The following CDH10 variants were observed in gnomAD, a reference collection of about 807,000 sequenced individuals.
CDH10 encodes cadherin-10.
In CDH10, 30 loss-of-function variants were observed where a neutral mutation model predicts 73.1. That is an observed-to-expected ratio of 0.41 (90% CI 0.31 to 0.56). The LOEUF (loss-of-function observed/expected upper bound fraction) is 0.56. Among genes scored for constraint, CDH10 ranks in the 20% least tolerant of loss-of-function variants. The pLI, the probability that CDH10 is intolerant of heterozygous loss-of-function variation, is 0.27. For synonymous variants in CDH10, 345 were observed against 348.2 expected (o/e 0.99, Z 0.10); for missense variants, 815 against 973.7 (o/e 0.84, Z 2.17).
At chr5:24,518,389 A>G (rs2111800576) in intron 5 of CDH10, among the ~76,000 whole-genome samples, 1 of 152,228 alleles carries the variant, frequency 6.6e-6, no homozygotes, top group Non-Finnish European at 1.5e-5. Context: ...ACACACACAC[A>G]TATATATGCA....
At chr5:24,489,173 T>C (rs778645490) in intron 11 of CDH10, among the ~76,000 whole-genome samples, 8 of 152,066 alleles carry the variant, frequency 5.3e-5, no homozygotes, top group Non-Finnish European at 1.0e-4. Context: ...GAAATATTGA[T>C]ACAAGTATTT....
chr5:24,490,107 C>T (rs762641534), intron 11 of CDH10, among the ~76,000 whole-genome samples: 20 of 152,080 alleles, frequency 1.3e-4, no homozygotes, highest in Non-Finnish European at 2.5e-4. Context: ...TAAACACGTA[C>T]TAAAAACTTA....
At chr5:24,623,242 G>A (rs1045496322) in intron 1 of CDH10, among the ~76,000 whole-genome samples, 12 of 152,132 alleles carry the variant, frequency 7.9e-5, no homozygotes, top group Admixed American at 7.2e-4. Flanking sequence ...CCTGGTGGGG[G>A]TACTAGTTTT....
At chr5:24,509,240 C>CAT (rs1742806891) in intron 7 of CDH10, among the ~76,000 whole-genome samples, 1 of 85,326 alleles carries the variant, frequency 1.2e-5, no homozygotes, top group Admixed American at 2.0e-4. Context: ...CTCCTTTTTC[C>CAT]TTTTTTTTTT....
chr5:24,488,219 A>G, intron 11 of CDH10, 66 bp from the exon 12 acceptor site: 1 of 1,309,064 alleles, frequency 7.6e-7, no homozygotes, highest in Non-Finnish European at 1.0e-6. Flanking sequence ...GAGTGGAAAT[A>G]CTATAAAAGA....
intron 5 of CDH10, among the ~76,000 whole-genome samples, chr5:24,515,837 C>T (rs1388866921): frequency 6.6e-6 from 1 of 152,078 alleles, no homozygotes; most frequent in Non-Finnish European, 1.5e-5. Flanking sequence ...GGGAGCGGGT[C>T]TTTCCAATCC....
chr5:24,519,595 A>G (rs1163589995), intron 5 of CDH10, among the ~76,000 whole-genome samples: 3 of 152,212 alleles, frequency 2.0e-5, no homozygotes, highest in Non-Finnish European at 4.4e-5. Flanking sequence ...ATCAATAAAC[A>G]GAGACAACTA....
At position 24,593,978 on chromosome 5, in the gene CDH10, C is replaced by T. The variant is rs548250494; in HGVS notation, c.-123-365G>A. On this transcript the variant is annotated intron_variant, in intron 1 of 11. Coordinates refer to ENST00000264463, the MANE Select transcript of CDH10 (RefSeq NM_006727.5). ...TTAATGCAAATTATAATTTTGAAAA[C>T]AAAACTGATTTAAATAACCTACAGG... is the stretch of plus-strand genomic sequence containing the variant. 1.3e-4 allele frequency among the ~76,000 whole-genome samples: 19 copies of T among 151,864 alleles called. No individual in the cohort carries two copies. In the East Asian group the frequency reaches 2.5e-3, roughly 20 times the overall value.
chr5:24,637,234 G>C (rs1747894509), intron 1 of CDH10, among the ~76,000 whole-genome samples: 1 of 151,868 alleles, frequency 6.6e-6, no homozygotes, highest in Non-Finnish European at 1.5e-5. Flanking sequence ...TGCTTGCACA[G>C]TGTCTGGCTT....
chr5:24,547,230 G>C (rs1465845146), intron 2 of CDH10, among the ~76,000 whole-genome samples: 1 of 152,156 alleles, frequency 6.6e-6, no homozygotes, highest in Non-Finnish European at 1.5e-5. Flanking sequence ...CTTAAGTGTA[G>C]GATGAGGTAG....
At chr5:24,598,424 A>T (rs1341097356) in intron 1 of CDH10, among the ~76,000 whole-genome samples, 4 of 152,022 alleles carry the variant, frequency 2.6e-5, no homozygotes, top group Admixed American at 2.6e-4. Flanking sequence ...GTCCATGCAA[A>T]GCTAGCAATA....
intron 2 of CDH10, among the ~76,000 whole-genome samples, chr5:24,552,774 C>T (rs145498386): frequency 1.8e-4 from 28 of 151,988 alleles, no homozygotes; most frequent in African/African-American, 6.3e-4. Context: ...TTCTGTGCTC[C>T]CTTTTATTTT....
In CDH10 at chr5:24,537,381, T is replaced by G; in HGVS notation, c.525A>C (p.Val175=). 5 of 1,604,822 alleles carry G rather than the reference T, an allele frequency of 3.1e-6. No individual in the cohort carries two copies. The highest frequency in any genetic ancestry group is 4.3e-6 in the Non-Finnish European group (5 of 1,174,688). The change falls in exon 3 of 12, where the codon GTA becomes GTC. Residue 175 remains valine, a splice_region_variant and synonymous_variant. Coordinates refer to ENST00000264463, the MANE Select transcript of CDH10 (RefSeq NM_006727.5). ...YTASVPEMSV[V]GTSVVQVTAT... ...CATAAACGCTGTAAATGAACTTACCTACAACAGACATTTCGGGAACACTAG... is the reference window on the plus strand; with the variant it reads ...CATAAACGCTGTAAATGAACTTACCGACAACAGACATTTCGGGAACACTAG...
chr5:24,635,640 C>T (rs973809875), intron 1 of CDH10, among the ~76,000 whole-genome samples: 3 of 151,844 alleles, frequency 2.0e-5, no homozygotes, highest in African/African-American at 7.2e-5. Flanking sequence ...CATCAATTCC[C>T]TAGTTCATGC....
At chr5:24,528,503 G>A (rs13154399) in intron 5 of CDH10, among the ~76,000 whole-genome samples, 2 of 151,674 alleles carry the variant, frequency 1.3e-5, no homozygotes, top group African/African-American at 2.4e-5. Context: ...CTGAACGTAC[G>A]TGTCTTAAAT....
At chr5:24,509,142 G>A (rs564458734) in intron 7 of CDH10, among the ~76,000 whole-genome samples, 12 of 147,562 alleles carry the variant, frequency 8.1e-5, no homozygotes, top group Non-Finnish European at 1.6e-4. Flanking sequence ...ATCTTCCATC[G>A]CATTAAATGT....
At chr5:24,619,440 G>A (rs780121794) in intron 1 of CDH10, among the ~76,000 whole-genome samples, 2 of 151,984 alleles carry the variant, frequency 1.3e-5, no homozygotes, top group Non-Finnish European at 2.9e-5. Context: ...TGATCTGCCC[G>A]CCTCGGCCTC....
At chr5:24,546,180 C>G (rs1382714539) in intron 2 of CDH10, among the ~76,000 whole-genome samples, 1 of 150,056 alleles carries the variant, frequency 6.7e-6, no homozygotes, top group Non-Finnish European at 1.5e-5. Flanking sequence ...CTTGAAAAAA[C>G]TTGTGTGTGT....
intron 2 of CDH10, among the ~76,000 whole-genome samples, chr5:24,545,358 G>C (rs775071504): frequency 4.6e-5 from 7 of 152,172 alleles, no homozygotes; most frequent in Non-Finnish European, 8.8e-5. Flanking sequence ...AAAAGCAAGA[G>C]ATTCATTTAA....
Sources: allele counts gnomAD v4.1 joint callset (sites outside exome capture counted in the v4.1 genomes callset), GRCh38; gene constraint gnomAD v4.1.1; transcripts MANE v1.5; gene names NCBI Gene and HGNC (gene_info 2026-07-23, HGNC 2026-07-21).